Variants in CSMD1 observed in about 807,000 individuals in gnomAD.
CSMD1 encodes the protein CUB and sushi domain-containing protein 1.
CSMD1 carries 213 observed loss-of-function variants against 417.5 expected under a neutral mutation model. That is an observed-to-expected ratio of 0.51 (90% CI 0.46 to 0.57). The LOEUF (loss-of-function observed/expected upper bound fraction) is 0.57. Ranked by LOEUF, CSMD1 falls within the 20% of genes least tolerant of loss-of-function variation. The pLI is 0.00. For missense variants in CSMD1, 6,923 were observed against 4,529.7 expected, an observed-to-expected ratio of 1.53 and a Z score of -15.17; for synonymous variants, 2,862 against 1,736.8, an observed-to-expected ratio of 1.65 and a Z score of -16.11.
intron 3 of CSMD1, among the ~76,000 whole-genome samples, chr8:4,352,772 T>G (rs935520852): frequency 6.6e-6 from 1 of 152,198 alleles, no homozygotes; most frequent in Non-Finnish European, 1.5e-5. Context: ...GGCAGACAAA[T>G]CTACTGTTGG....
intron 52 of CSMD1, among the ~76,000 whole-genome samples, chr8:3,007,637 T>G (rs1453411756): frequency 6.6e-6 from 1 of 151,166 alleles, no homozygotes; most frequent in Admixed American, 6.6e-5. Flanking sequence ...TGGATGAAAT[T>G]GGAAATCATC....
intron 7 of CSMD1, among the ~76,000 whole-genome samples, chr8:3,674,775 A>T (rs1054837777): frequency 2.0e-5 from 3 of 152,196 alleles, no homozygotes; most frequent in Non-Finnish European, 4.4e-5. Context: ...ATGAAAGGTA[A>T]CTATAGTTTT....
At chr8:4,837,527 T>C (rs965838981) in intron 1 of CSMD1, among the ~76,000 whole-genome samples, 1 of 152,158 alleles carries the variant, frequency 6.6e-6, no homozygotes, top group African/African-American at 2.4e-5. Context: ...TTTTTGCAGC[T>C]TTGGTTCTTA....
intron 3 of CSMD1, among the ~76,000 whole-genome samples, chr8:4,290,611 G>C (rs1029772066): frequency 9.9e-5 from 15 of 152,218 alleles, no homozygotes; most frequent in Admixed American, 5.9e-4. Flanking sequence ...AGGACAGGTA[G>C]ATGCTGTATT....
chr8:3,905,415 G>A (rs1808047711), intron 5 of CSMD1, among the ~76,000 whole-genome samples: 1 of 152,150 alleles, frequency 6.6e-6, no homozygotes, highest in Non-Finnish European at 1.5e-5. Flanking sequence ...CAATTAACCA[G>A]GCAGGTGGCG....
chr8:4,245,691 C>T lies in CSMD1; in HGVS notation c.415+174262G>A, dbSNP rs148005835. ...CATATGAATGACAATTTAAATTATC[C>T]TATGTGAGGTAATTTTTTCAAGTGC... On this transcript the variant is annotated intron_variant, in intron 3 of 69. Coordinates refer to ENST00000635120, the MANE Select transcript of CSMD1 (RefSeq NM_033225.6). Among the ~76,000 whole-genome samples the T allele has an allele frequency of 2.4e-4, 36 of 152,114 alleles. 1 individual carries two copies. Among genetic ancestry groups the T allele is most frequent in the African/African-American group, 7.9e-4 (33 of 41,518 alleles).
intron 21 of CSMD1, among the ~76,000 whole-genome samples, chr8:3,358,891 T>C (rs960714727): frequency 1.3e-5 from 2 of 152,146 alleles, no homozygotes; most frequent in African/African-American, 4.8e-5. Flanking sequence ...TTCATAAATA[T>C]GCTTGACACA....
At chr8:4,039,608 G>A (rs183842227) in intron 3 of CSMD1, among the ~76,000 whole-genome samples, 12 of 152,244 alleles carry the variant, frequency 7.9e-5, no homozygotes, top group Non-Finnish European at 1.5e-4. Context: ...TCATTCTCCA[G>A]GATGAGGAAT....
At chr8:3,299,379 G>T (rs1256828359) in intron 25 of CSMD1, among the ~76,000 whole-genome samples, 3 of 152,150 alleles carry the variant, frequency 2.0e-5, no homozygotes, top group African/African-American at 7.2e-5. Flanking sequence ...TTGAACTCTG[G>T]AGGTGGAGGT....
chr8:3,534,472 T>G lies in CSMD1; in HGVS notation c.1344+40473A>C, dbSNP rs532919394. ...TGTGAGGATCACACTTATGACACCC[T>G]CTCTCATGCTCAGCGATAAGTAGAT... On this transcript the variant is annotated intron_variant, in intron 10 of 69. Transcript: ENST00000635120. 5.4e-5 allele frequency among the ~76,000 whole-genome samples: 8 copies of G among 147,456 alleles called. No individual in the cohort carries two copies. The South Asian group carries it at 1.5e-3, about 28-fold the overall frequency.
chr8:3,781,587 G>C (rs1158028800), intron 5 of CSMD1, among the ~76,000 whole-genome samples: 4 of 152,150 alleles, frequency 2.6e-5, no homozygotes, highest in Non-Finnish European at 4.4e-5. Context: ...CCAATTATCA[G>C]TGTACTCTGT....
chr8:3,481,829 G>C (rs1240444248), intron 11 of CSMD1, among the ~76,000 whole-genome samples: 2 of 152,188 alleles, frequency 1.3e-5, no homozygotes, highest in Non-Finnish European at 1.5e-5. Flanking sequence ...AGTGATTACA[G>C]CTCTGCCCAC....
chr8:3,906,118 G>T (rs1000588069), intron 5 of CSMD1, among the ~76,000 whole-genome samples: 3 of 152,072 alleles, frequency 2.0e-5, no homozygotes, highest in Non-Finnish European at 2.9e-5. Context: ...AGTTGCTGTG[G>T]GAATTCCTTC....
At chr8:3,686,499 A>G (rs1799951796) in intron 7 of CSMD1, among the ~76,000 whole-genome samples, 1 of 152,206 alleles carries the variant, frequency 6.6e-6, no homozygotes, top group Non-Finnish European at 1.5e-5. Context: ...GCTTAAAAAA[A>G]AGCCAGTTAC....
chr8:4,490,423 A>G (rs1381294262), intron 2 of CSMD1, among the ~76,000 whole-genome samples: 1 of 152,202 alleles, frequency 6.6e-6, no homozygotes, highest in Non-Finnish European at 1.5e-5. Flanking sequence ...CATCTGTCCT[A>G]TCTACTATTG....
At chr8:4,289,216 C>T (rs538602160) in intron 3 of CSMD1, among the ~76,000 whole-genome samples, 8 of 152,136 alleles carry the variant, frequency 5.3e-5, no homozygotes, top group South Asian at 4.1e-4. Flanking sequence ...TTTCTAGATA[C>T]CTGTCGGTCA....
At chr8:4,726,233 A>G (rs1296734333) in intron 1 of CSMD1, among the ~76,000 whole-genome samples, 1 of 152,078 alleles carries the variant, frequency 6.6e-6, no homozygotes. Context: ...TAGGGTCAGA[A>G]AAACTCTTGT....
chr8:3,990,370 C>G (rs1343991180), intron 5 of CSMD1, among the ~76,000 whole-genome samples: 1 of 152,124 alleles, frequency 6.6e-6, no homozygotes, highest in East Asian at 1.9e-4. Context: ...CTGTAGAGTT[C>G]AACTCTGCCC....
chr8:4,736,384 G>GGA (rs746444649), intron 1 of CSMD1, among the ~76,000 whole-genome samples: 19 of 151,534 alleles, frequency 1.3e-4, no homozygotes, highest in South Asian at 1.0e-3. Context: ...GAAGATTCCA[G>GGA]GAGAGAGAGA....
Sources: allele counts gnomAD v4.1 joint callset (sites outside exome capture counted in the v4.1 genomes callset), GRCh38; gene constraint gnomAD v4.1.1; transcripts MANE v1.5; gene names NCBI Gene and HGNC (gene_info 2026-07-23, HGNC 2026-07-21).